Variants in CSMD3 observed in about 807,000 individuals in gnomAD.
CSMD3 encodes CUB and sushi domain-containing protein 3.
In CSMD3, 177 loss-of-function variants were observed where a neutral mutation model predicts 435.2. The ratio of observed to expected loss-of-function variants is 0.41; its 90% CI spans 0.36 to 0.46. The LOEUF is 0.46. CSMD3 is among the 20% of genes least tolerant of loss of function. The pLI is 0.34. For synonymous variants in CSMD3, 1,656 were observed against 1,520.5 expected (o/e 1.09, Z -2.07); for missense variants, 4,265 against 4,504.6 (o/e 0.95, Z 1.52).
chr8:112,522,631 A>G (rs1257386642), intron 27 of CSMD3, among the ~76,000 whole-genome samples: 1 of 151,936 alleles, frequency 6.6e-6, no homozygotes, highest in African/African-American at 2.4e-5. Flanking sequence ...CTGAAGGTTT[A>G]TTTATAATAT....
chr8:113,095,196 T>C (rs2090126429), intron 5 of CSMD3, among the ~76,000 whole-genome samples: 1 of 152,216 alleles, frequency 6.6e-6, no homozygotes, highest in Admixed American at 6.5e-5. Flanking sequence ...ACACTGTCAC[T>C]TGCAAAATTA....
intron 13 of CSMD3, among the ~76,000 whole-genome samples, chr8:112,690,587 A>ACCC (rs5894099): frequency 4.6e-5 from 6 of 131,144 alleles, no homozygotes; most frequent in South Asian, 2.6e-4. Context: ...TCCCAACTAG[A>ACCC]CCCCCCCCCC....
intron 3 of CSMD3, among the ~76,000 whole-genome samples, chr8:113,181,878 C>T (rs549439412): frequency 9.9e-5 from 15 of 152,086 alleles, no homozygotes; most frequent in Middle Eastern, 6.8e-3. Flanking sequence ...AGGCTCTCCT[C>T]TGACAGAATT....
intron 13 of CSMD3, among the ~76,000 whole-genome samples, chr8:112,772,590 C>T (rs897442901): frequency 2.6e-5 from 4 of 151,996 alleles, no homozygotes; most frequent in African/African-American, 7.2e-5. Context: ...AGCCCTACAC[C>T]TGTAAAGGGT....
chr8:112,582,873 A>G (rs957487584), intron 23 of CSMD3, among the ~76,000 whole-genome samples: 9 of 152,042 alleles, frequency 5.9e-5, no homozygotes, highest in Non-Finnish European at 1.3e-4. Context: ...TGGAGTTCAC[A>G]ATATGAAAAT....
intron 3 of CSMD3, among the ~76,000 whole-genome samples, chr8:113,225,725 G>C (rs1288438443): frequency 6.6e-6 from 1 of 151,516 alleles, no homozygotes; most frequent in Non-Finnish European, 1.5e-5. Context: ...GGGGAAAAAA[G>C]CTAGATAATG....
chr8:112,402,222 C>T (rs1831405347), intron 35 of CSMD3, among the ~76,000 whole-genome samples: 1 of 152,128 alleles, frequency 6.6e-6, no homozygotes. Context: ...CTTATTGTAA[C>T]TCACTTCAAT....
In CSMD3 at chr8:112,224,817, G is replaced by A. The variant is rs768386869; in HGVS notation, c.11078C>T (p.Ala3693Val). 1.7e-5 allele frequency: 27 copies of A among 1,613,966 alleles called. No homozygotes were observed. Among genetic ancestry groups the A allele is most frequent in the South Asian group, 1.2e-4 (11 of 91,090 alleles). The change falls in exon 71 of 71, where the codon GCG becomes GTG. Residue 3693 changes from alanine to valine, a missense_variant. Coordinates refer to ENST00000297405, the MANE Select transcript of CSMD3 (RefSeq NM_198123.2). Reference sequence around the variant, plus strand: ...GTTCAAGTTGGGATCAAATCGTACCGCCTTCCCTTCCACTGACTTTGCGTT... The same window carrying A: ...GTTCAAGTTGGGATCAAATCGTACCACCTTCCCTTCCACTGACTTTGCGTT... ...DTNAKSVEGK[A>V]VRFDPNLNTV...
At chr8:112,275,796 C>T (rs1817985910) in intron 59 of CSMD3, among the ~76,000 whole-genome samples, 1 of 152,154 alleles carries the variant, frequency 6.6e-6, no homozygotes, top group Non-Finnish European at 1.5e-5. Flanking sequence ...GTCCCTCCCA[C>T]AAAATGTCGA....
intron 4 of CSMD3, among the ~76,000 whole-genome samples, chr8:113,102,330 T>C (rs541353829): frequency 2.2e-4 from 34 of 152,270 alleles, no homozygotes; most frequent in African/African-American, 8.2e-4. Context: ...TATAAACTTC[T>C]TGTGAAACAA....
intron 3 of CSMD3, among the ~76,000 whole-genome samples, chr8:113,176,346 G>A (rs1020824345): frequency 6.6e-6 from 1 of 151,928 alleles, no homozygotes; most frequent in Non-Finnish European, 1.5e-5. Context: ...TATAACCACT[G>A]CTCATGGATT....
At chr8:113,224,970 C>G (rs1005878250) in intron 3 of CSMD3, among the ~76,000 whole-genome samples, 1 of 151,316 alleles carries the variant, frequency 6.6e-6, no homozygotes, top group African/African-American at 2.4e-5. Flanking sequence ...TCTATCTCAG[C>G]AATTTAGAGC....
chr8:113,300,853 C>T (rs933661599), intron 2 of CSMD3, among the ~76,000 whole-genome samples: 17 of 151,802 alleles, frequency 1.1e-4, no homozygotes, highest in African/African-American at 4.8e-5. Context: ...AAAAAGGGCA[C>T]GATATTTATT....
intron 5 of CSMD3, among the ~76,000 whole-genome samples, chr8:113,030,960 C>T (rs2087083882): frequency 1.3e-5 from 2 of 151,472 alleles, no homozygotes; most frequent in South Asian, 2.1e-4. Context: ...TTATGATACA[C>T]CTACCAGAAT....
chr8:112,318,330 T>A (rs1376756102), intron 47 of CSMD3, among the ~76,000 whole-genome samples: 2 of 152,044 alleles, frequency 1.3e-5, no homozygotes, highest in Non-Finnish European at 2.9e-5. Context: ...TGTACAGCTA[T>A]CCCCTGTATG....
chr8:112,568,775 A>G (rs1445345330), intron 24 of CSMD3, among the ~76,000 whole-genome samples: 1 of 152,060 alleles, frequency 6.6e-6, no homozygotes, highest in East Asian at 1.9e-4. Context: ...TAAACACCCA[A>G]GAGTTTCTGG....
chr8:112,273,010 T>A (rs964555998), intron 59 of CSMD3, among the ~76,000 whole-genome samples: 3 of 152,216 alleles, frequency 2.0e-5, no homozygotes, highest in African/African-American at 7.2e-5. Flanking sequence ...AATTATTTTA[T>A]GCAATACGAT....
At chr8:113,197,558 T>G (rs1355565195) in intron 3 of CSMD3, among the ~76,000 whole-genome samples, 1 of 151,200 alleles carries the variant, frequency 6.6e-6, no homozygotes, top group African/African-American at 2.4e-5. Context: ...TGTAATGATG[T>G]TGAGTCCACT....
intron 1 of CSMD3, among the ~76,000 whole-genome samples, chr8:113,393,600 G>A (rs1436056103): frequency 6.6e-6 from 1 of 152,114 alleles, no homozygotes; most frequent in Non-Finnish European, 1.5e-5. Context: ...TTCTCGTTAA[G>A]TTACTGGAGA....
Sources: allele counts gnomAD v4.1 joint callset (sites outside exome capture counted in the v4.1 genomes callset), GRCh38; gene constraint gnomAD v4.1.1; transcripts MANE v1.5; gene names NCBI Gene and HGNC (gene_info 2026-07-23, HGNC 2026-07-21).